The following CSMD1 variants were observed in gnomAD, a reference collection of about 807,000 sequenced individuals.
The protein encoded by CSMD1 is CUB and sushi domain-containing protein 1.
A neutral mutation model predicts 417.5 loss-of-function variants in CSMD1; 213 were observed. The ratio of observed to expected loss-of-function variants is 0.51; its 90% CI spans 0.46 to 0.57. CSMD1 has a LOEUF of 0.57. CSMD1 is among the 20% of genes least tolerant of loss of function. The pLI is 0.00. For synonymous variants in CSMD1, 2,862 were observed against 1,736.8 expected, an observed-to-expected ratio of 1.65 and a Z score of -16.11; for missense variants, 6,923 against 4,529.7, an observed-to-expected ratio of 1.53 and a Z score of -15.17.
chr8:4,848,183 T>C (rs1801254359), intron 1 of CSMD1, among the ~76,000 whole-genome samples: 1 of 152,222 alleles, frequency 6.6e-6, no homozygotes, highest in Non-Finnish European at 1.5e-5. Flanking sequence ...TAATATTTCA[T>C]TGTATGGAAA....
intron 37 of CSMD1, among the ~76,000 whole-genome samples, chr8:3,179,047 A>T (rs927972106): frequency 6.7e-6 from 1 of 149,996 alleles, no homozygotes; most frequent in Non-Finnish European, 1.5e-5. Flanking sequence ...TCCCGGGTTC[A>T]CGCCATTCTC....
chr8:4,019,647 G>A (rs1315472613), intron 4 of CSMD1, among the ~76,000 whole-genome samples: 1 of 152,144 alleles, frequency 6.6e-6, no homozygotes, highest in African/African-American at 2.4e-5. Context: ...GTTAGAAAGG[G>A]AGCTGGAACT....
In CSMD1 at chr8:4,225,244, A is replaced by T. The variant is rs548192248; in HGVS notation, c.416-193145T>A. Among the ~76,000 whole-genome samples the T allele has an allele frequency of 3.9e-5, 6 of 152,336 alleles. No individual in the cohort carries two copies. The East Asian group carries it at 1.2e-3, about 29-fold the overall frequency. ...ACGGCTAGTGAAAGGAGAATCAATG[A>T]CAAACCATCATTTTCTTCAAAATAG... is the stretch of plus-strand genomic sequence containing the variant. On this transcript the variant is annotated intron_variant, in intron 3 of 69. Coordinates refer to ENST00000635120, the MANE Select transcript of CSMD1 (RefSeq NM_033225.6).
chr8:4,866,535 G>A (rs1802430510), intron 1 of CSMD1, among the ~76,000 whole-genome samples: 1 of 151,542 alleles, frequency 6.6e-6, no homozygotes, highest in East Asian at 1.9e-4. Context: ...AGTGTTATTG[G>A]CTTTTTTAAC....
chr8:3,708,972 C>A (rs1387906531), intron 6 of CSMD1, among the ~76,000 whole-genome samples: 5 of 152,012 alleles, frequency 3.3e-5, no homozygotes, highest in Non-Finnish European at 2.9e-5. Flanking sequence ...GGGTGGGGAG[C>A]AAGTAGAGGA....
At chr8:4,856,054 A>G (rs1159896383) in intron 1 of CSMD1, among the ~76,000 whole-genome samples, 3 of 152,200 alleles carry the variant, frequency 2.0e-5, no homozygotes, top group Admixed American at 2.0e-4. Flanking sequence ...CATCAGAGTA[A>G]CAGCGGATCT....
At chr8:3,942,050 G>C (rs1251698441) in intron 5 of CSMD1, among the ~76,000 whole-genome samples, 1 of 151,934 alleles carries the variant, frequency 6.6e-6, no homozygotes, top group East Asian at 1.9e-4. Context: ...AAACCCTATT[G>C]TGAATTGGGC....
intron 7 of CSMD1, among the ~76,000 whole-genome samples, chr8:3,647,870 T>C (rs558384993): frequency 1.3e-5 from 2 of 152,380 alleles, no homozygotes; most frequent in African/African-American, 4.8e-5. Flanking sequence ...ACTATTCTTG[T>C]AACTGTTCTG....
chr8:3,054,797 C>A (rs1812108001), intron 49 of CSMD1, among the ~76,000 whole-genome samples: 1 of 152,172 alleles, frequency 6.6e-6, no homozygotes, highest in Non-Finnish European at 1.5e-5. Context: ...GACATAAAGG[C>A]ATCATTTGGG....
intron 3 of CSMD1, among the ~76,000 whole-genome samples, chr8:4,331,188 T>C (rs954368149): frequency 2.0e-5 from 3 of 152,158 alleles, no homozygotes; most frequent in Admixed American, 2.0e-4. Flanking sequence ...CCAGAAAATC[T>C]TCCTCAAATA....
chr8:4,449,491 A>T (rs999506216), intron 2 of CSMD1, among the ~76,000 whole-genome samples: 2 of 152,158 alleles, frequency 1.3e-5, no homozygotes, highest in Non-Finnish European at 1.5e-5. Context: ...TCAGTGTAAT[A>T]TGAAGTTACT....
chr8:3,388,216 C>T (rs551402335), intron 17 of CSMD1, among the ~76,000 whole-genome samples: 6 of 152,278 alleles, frequency 3.9e-5, no homozygotes, highest in African/African-American at 9.6e-5. Flanking sequence ...TAAATCCATG[C>T]TATTTTCAAA....
At chr8:4,501,521 C>G (rs1802258526) in intron 2 of CSMD1, among the ~76,000 whole-genome samples, 1 of 152,186 alleles carries the variant, frequency 6.6e-6, no homozygotes. Flanking sequence ...TGCAGTTTCA[C>G]TTTCTGTGGT....
At chr8:4,634,137 T>C (rs1802696262) in intron 2 of CSMD1, among the ~76,000 whole-genome samples, 1 of 152,088 alleles carries the variant, frequency 6.6e-6, no homozygotes, top group South Asian at 2.1e-4. Context: ...TCCACATCAT[T>C]AAAATTTAGT....
At chr8:4,367,533 G>T (rs1337914597) in intron 3 of CSMD1, among the ~76,000 whole-genome samples, 1 of 152,150 alleles carries the variant, frequency 6.6e-6, no homozygotes, top group Non-Finnish European at 1.5e-5. Flanking sequence ...GACTGCTTTA[G>T]CTAATGTGGG....
At chr8:4,807,806 G>C (rs1357490224) in intron 1 of CSMD1, among the ~76,000 whole-genome samples, 1 of 152,064 alleles carries the variant, frequency 6.6e-6, no homozygotes, top group Admixed American at 6.5e-5. Flanking sequence ...TGGATCCATA[G>C]AAGCCAGCCA....
chr8:4,069,273 G>A (rs575469142), intron 3 of CSMD1, among the ~76,000 whole-genome samples: 21 of 152,156 alleles, frequency 1.4e-4, no homozygotes, highest in Non-Finnish European at 2.1e-4. Context: ...TGAATTCTTT[G>A]TCTAGTAGGA....
At chr8:4,521,523 C>A (rs1449896840) in intron 2 of CSMD1, among the ~76,000 whole-genome samples, 2 of 152,092 alleles carry the variant, frequency 1.3e-5, no homozygotes, top group Non-Finnish European at 2.9e-5. Context: ...ATGAATGTTT[C>A]CTTCTTGTCT....
At chr8:3,408,789 A>G (rs1016833402) in intron 13 of CSMD1, among the ~76,000 whole-genome samples, 3 of 152,088 alleles carry the variant, frequency 2.0e-5, no homozygotes, top group Admixed American at 6.5e-5. Context: ...TGTACTTAAA[A>G]TCATATATAT....
Sources: gnomAD v4.1 joint callset for allele counts (sites outside exome capture counted in the v4.1 genomes callset) on GRCh38, gnomAD v4.1.1 for gene constraint, MANE v1.5 for transcripts, NCBI Gene and HGNC (gene_info 2026-07-23, HGNC 2026-07-21) for gene names.